The following CLEC16A variants were observed in gnomAD, a reference collection of about 807,000 sequenced individuals.
CLEC16A encodes C-type lectin domain containing 16A, also known as protein CLEC16A.
CLEC16A carries 51 observed loss-of-function variants against 109.5 expected under a neutral mutation model. The observed-to-expected ratio is 0.47, with a 90% CI of 0.37 to 0.59. CLEC16A has a LOEUF of 0.59. CLEC16A is among the 20% of genes least tolerant of loss of function. The probability of loss-of-function intolerance (pLI) is 0.00; values close to 1 mark genes in which losing one functional copy is unlikely to be tolerated. For synonymous variants in CLEC16A, 673 were observed against 564.2 expected (o/e 1.19, Z -2.73); for missense variants, 1,339 against 1,394.0 (o/e 0.96, Z 0.63).
intron 12 of CLEC16A, 96 bp downstream of exon 12, chr16:11,020,421 C>G: frequency 1.4e-6 from 2 of 1,390,956 alleles, no homozygotes; most frequent in Non-Finnish European, 1.9e-6. Context: ...CTCTTCTGTC[C>G]CTCAGCCCGA....
In CLEC16A at chr16:10,996,740, A is replaced by C. The variant is rs907331497; in HGVS notation, c.1072-6334A>C. Among the ~76,000 whole-genome samples the C allele has an allele frequency of 2.0e-5, 3 of 151,282 alleles. No homozygotes were observed. In the East Asian group the frequency reaches 5.8e-4, roughly 29 times the overall value. The stretch of plus-strand genomic sequence containing the variant: ...ACCAGGATTCACCTGTCTGGGGTGG[A>C]CTGTGGGCTCTGAGAGGGGTGGACT... On this transcript the variant is annotated intron_variant, in intron 10 of 23. Coordinates refer to ENST00000409790, the MANE Select transcript of CLEC16A (RefSeq NM_015226.3).
rs1184652771 is a variant in CLEC16A at position 11,126,332 on chromosome 16, G to C, written c.2641+186G>C. The C allele has an allele frequency of 3.4e-6, 5 of 1,485,736 alleles. No individual in the cohort carries two copies. The African/African-American group carries it at 7.1e-5, about 21-fold the overall frequency. 92.0% of individuals were successfully genotyped at this position (1,485,736 alleles called of 1,614,324 possible). On this transcript the variant is annotated intron_variant, in intron 22 of 23. Transcript: ENST00000409790. ...AAACACAGCCCCCAAAATAAATTTT[G>C]GCTTTCCCTTTAGTGTTTGGTTTGG...
intron 10 of CLEC16A, among the ~76,000 whole-genome samples, chr16:10,988,802 G>A (rs2043822694): frequency 6.6e-6 from 1 of 152,150 alleles, no homozygotes; most frequent in Non-Finnish European, 1.5e-5. Context: ...GCAAACATGG[G>A]TTTATGATGA....
intron 9 of CLEC16A, among the ~76,000 whole-genome samples, chr16:10,980,089 G>A (rs548025877): frequency 1.3e-5 from 2 of 152,340 alleles, no homozygotes; most frequent in South Asian, 4.1e-4. Flanking sequence ...CCAGAATTCT[G>A]TTTCCGCTTT....
intron 12 of CLEC16A, among the ~76,000 whole-genome samples, chr16:11,023,252 A>G (rs376074389): frequency 1.3e-5 from 2 of 152,290 alleles, no homozygotes; most frequent in East Asian, 3.9e-4. Context: ...TACCCTGCGT[A>G]AACAAAACGC....
Position 11,174,714 on chromosome 16 carries a change from TCTC to T in CLEC16A, c.2807-3617_2807-3615del, listed in dbSNP as rs1425761898. ...GAATTTGTAGAAAGCAACCAAGAAG[TCTC>T]CTCATTTCTTTTTTCCTTTCTTCCC... On this transcript the variant is annotated intron_variant, in intron 23 of 23. Transcript: ENST00000409790. This position sits in a 1 kb window ranked among gnomAD's most constrained non-coding sequence, Gnocchi z 4.7. 3.9e-5 allele frequency among the ~76,000 whole-genome samples: 6 copies of T among 152,222 alleles called. No individual in the cohort carries two copies. In the South Asian group the frequency reaches 6.2e-4, roughly 16 times the overall value.
chr16:11,051,563 G>T lies in CLEC16A; in HGVS notation c.1917G>T (p.Leu639=). 1.2e-6 allele frequency: 2 copies of T among 1,614,030 alleles called. No individual in the cohort carries two copies. Among genetic ancestry groups the T allele is most frequent in the Non-Finnish European group, 8.5e-7 (1 of 1,179,896 alleles). ...EYLMMDASIL[L]PPTGTPLTGI... ...TCATGATGGACGCCTCCATCCTGCT[G>T]CCCCCAACAGGCACGCCACTGACGG... is the stretch of plus-strand genomic sequence containing the variant. The change falls in exon 18 of 24, where the codon CTG becomes CTT. Residue 639 remains leucine, a synonymous_variant. Transcript: ENST00000409790.
Position 11,154,114 on chromosome 16 carries a change from C to G in CLEC16A, c.2642-12274C>G, listed in dbSNP as rs547264439. Among the ~76,000 whole-genome samples, 13 of 152,334 alleles carry G rather than the reference C, an allele frequency of 8.5e-5. 1 individual carries two copies. In the East Asian group the frequency reaches 2.5e-3, roughly 29 times the overall value. Reference sequence around the variant, plus strand: ...CCTGCACACACATGCGCAGACAGGGCAAAGAGAAATGGAGAATTGGGGAAA... The same window carrying G: ...CCTGCACACACATGCGCAGACAGGGGAAAGAGAAATGGAGAATTGGGGAAA... On this transcript the variant is annotated intron_variant, in intron 22 of 23. Coordinates refer to ENST00000409790, the MANE Select transcript of CLEC16A (RefSeq NM_015226.3).
chr16:11,012,050 C>A (rs895291508), intron 11 of CLEC16A, among the ~76,000 whole-genome samples: 1 of 150,864 alleles, frequency 6.6e-6, no homozygotes, highest in African/African-American at 2.4e-5. Flanking sequence ...CTTTACTTAT[C>A]CCCATATAGA....
At chr16:10,995,840 T>C (rs2044294576) in intron 10 of CLEC16A, among the ~76,000 whole-genome samples, 1 of 152,166 alleles carries the variant, frequency 6.6e-6, no homozygotes, top group African/African-American at 2.4e-5. Context: ...GGAAAACCTT[T>C]CTCCTACTTC....
chr16:11,039,676 C>A, intron 13 of CLEC16A, 78 bp from the exon 14 acceptor site: 2 of 1,449,592 alleles, frequency 1.4e-6, no homozygotes, highest in South Asian at 1.4e-5. Flanking sequence ...TGAGGAAACC[C>A]CACTCTACAG....
At chr16:11,027,199 A>C (rs7198089) in intron 13 of CLEC16A, 207,687 of 1,386,938 alleles carry the variant, frequency 0.15, 16,647 homozygotes, top group African/African-American at 0.32. Flanking sequence ...CTACATGATT[A>C]CTGGCAGCAG....
intron 21 of CLEC16A, among the ~76,000 whole-genome samples, chr16:11,125,631 T>A (rs981734979): frequency 6.6e-6 from 1 of 152,156 alleles, no homozygotes; most frequent in Non-Finnish European, 1.5e-5. Context: ...TCGCTTGGGG[T>A]CTGAAACAGC....
At chr16:11,002,808 T>A (rs571968313) in intron 10 of CLEC16A, among the ~76,000 whole-genome samples, 1 of 152,314 alleles carries the variant, frequency 6.6e-6, no homozygotes, top group South Asian at 2.1e-4. Context: ...CATGATTTCC[T>A]TCTTTTTTAG....
intron 2 of CLEC16A, among the ~76,000 whole-genome samples, chr16:10,958,590 C>T (rs1015378421): frequency 1.3e-5 from 2 of 152,138 alleles, no homozygotes; most frequent in African/African-American, 2.4e-5. Flanking sequence ...TAAAGACAGA[C>T]GTGCCTCACT....
intron 19 of CLEC16A, among the ~76,000 whole-genome samples, chr16:11,116,983 A>T (rs773503924): frequency 6.6e-6 from 1 of 152,240 alleles, no homozygotes; most frequent in Non-Finnish European, 1.5e-5. Context: ...CGTATACACT[A>T]TGGAATACTG....
chr16:10,971,692 T>TA (rs1165359997), intron 5 of CLEC16A: 1 of 203,942 alleles, frequency 4.9e-6, no homozygotes, highest in Non-Finnish European at 8.7e-6. Flanking sequence ...AGCCCAGCAC[T>TA]AACAATTCCT....
chr16:10,944,870 C>G (rs2041265308), intron 1 of CLEC16A, 73 bp downstream of exon 1: 1 of 1,403,076 alleles, frequency 7.1e-7, no homozygotes, highest in Non-Finnish European at 9.8e-7. Context: ...CGGGTCGGGG[C>G]TCTAGGAGGC....
chr16:11,047,232 C>A, intron 16 of CLEC16A, 60 bp from the exon 17 acceptor site: 1 of 1,437,540 alleles, frequency 7.0e-7, no homozygotes, highest in Non-Finnish European at 9.5e-7. Context: ...TTATAATACT[C>A]TGTTGTTTAT....
Sources: gnomAD v4.1 joint callset for allele counts (sites outside exome capture counted in the v4.1 genomes callset) on GRCh38, gnomAD v4.1.1 for gene constraint, Gnocchi (gnomAD v3.1) non-coding constraint, MANE v1.5 for transcripts, NCBI Gene and HGNC (gene_info 2026-07-23, HGNC 2026-07-21) for gene names.